Variants in CNKSR3 observed in about 807,000 individuals in gnomAD.
The protein encoded by CNKSR3 is connector enhancer of kinase suppressor of ras 3.
CNKSR3 carries 36 observed loss-of-function variants against 67.7 expected under a neutral mutation model. The observed-to-expected ratio is 0.53, with a 90% CI of 0.41 to 0.70. The LOEUF (loss-of-function observed/expected upper bound fraction) is 0.70. Among genes scored for constraint, CNKSR3 ranks in the 30% least tolerant of loss-of-function variants. The pLI is 0.00. For synonymous variants in CNKSR3, 281 were observed against 271.4 expected (o/e 1.04, Z -0.35); for missense variants, 630 against 695.2 (o/e 0.91, Z 1.05).
At chr6:154,473,698 G>GT (rs113254336) in intron 1 of CNKSR3, among the ~76,000 whole-genome samples, 1 of 152,146 alleles carries the variant, frequency 6.6e-6, no homozygotes, top group African/African-American at 2.4e-5. Context: ...GACATATAGG[G>GT]TCTGGAGTCA....
At chr6:154,410,461 A>G (rs754717721) in intron 11 of CNKSR3, 29 bp from the exon 12 acceptor site, 21 of 1,498,114 alleles carry the variant, frequency 1.4e-5, no homozygotes, top group Non-Finnish European at 1.9e-5. Flanking sequence ...GAAGGTGACA[A>G]GTTTGATGAG....
intron 1 of CNKSR3, among the ~76,000 whole-genome samples, chr6:154,496,254 G>A (rs1461694277): frequency 6.6e-6 from 1 of 152,082 alleles, no homozygotes; most frequent in East Asian, 1.9e-4. Flanking sequence ...AGCCAACCCC[G>A]ACAAAACTAA....
chr6:154,438,486 T>C (rs1785518166), intron 4 of CNKSR3, among the ~76,000 whole-genome samples: 1 of 152,184 alleles, frequency 6.6e-6, no homozygotes, highest in African/African-American at 2.4e-5. Flanking sequence ...CAACATTAAC[T>C]TGTAGAAATC....
chr6:154,454,660 T>C (rs932383398), intron 1 of CNKSR3, among the ~76,000 whole-genome samples: 1 of 152,080 alleles, frequency 6.6e-6, no homozygotes, highest in Non-Finnish European at 1.5e-5. Flanking sequence ...TAGCTGGGAC[T>C]ACAGGTGTGT....
intron 1 of CNKSR3, among the ~76,000 whole-genome samples, chr6:154,469,062 T>A (rs766855979): frequency 6.6e-6 from 1 of 152,224 alleles, no homozygotes; most frequent in Non-Finnish European, 1.5e-5. Context: ...AGTACTGTGT[T>A]TGACAGTTCT....
chr6:154,441,376 A>G lies in CNKSR3; in HGVS notation c.423T>C (p.Ala141=). 6.2e-7 allele frequency: 1 copy of G among 1,613,308 alleles called. No individual in the cohort carries two copies. The highest frequency in any genetic ancestry group is 8.5e-7 in the Non-Finnish European group (1 of 1,179,350). ...AKALLAWLDR[A]PFTGITDFSV... ...AGAAATCAGTGATCCCTGTAAACGG[A>G]GCCCTAGAAGGTAGCAACAATCCTC... The change falls in exon 4 of 13, where the codon GCT becomes GCC. Residue 141 remains alanine (A), a synonymous_variant. Transcript: ENST00000607772.
chr6:154,507,613 C>T (rs1201965253), intron 1 of CNKSR3, among the ~76,000 whole-genome samples: 1 of 152,292 alleles, frequency 6.6e-6, no homozygotes, highest in East Asian at 1.9e-4. Context: ...AGCCTCTTAT[C>T]ATCTTAGCCA....
chr6:154,492,210 C>T (rs969146671), intron 1 of CNKSR3, among the ~76,000 whole-genome samples: 2 of 152,208 alleles, frequency 1.3e-5, no homozygotes, highest in African/African-American at 4.8e-5. Flanking sequence ...CTCTCCTATT[C>T]CTCTTCCTAC....
At chr6:154,497,655 A>AT (rs1786905780) in intron 1 of CNKSR3, among the ~76,000 whole-genome samples, 1 of 152,244 alleles carries the variant, frequency 6.6e-6, no homozygotes, top group Non-Finnish European at 1.5e-5. Context: ...TATGTATGGT[A>AT]TGTTTATCTG....
At chr6:154,496,496 A>G (rs1298939358) in intron 1 of CNKSR3, among the ~76,000 whole-genome samples, 1 of 142,306 alleles carries the variant, frequency 7.0e-6, no homozygotes, top group East Asian at 2.1e-4. Context: ...ATAAGAGCAA[A>G]CAAGAGAATA....
At chr6:154,409,858 ACATATTGAGACTC>A (rs1784871264) in intron 12 of CNKSR3, among the ~76,000 whole-genome samples, 1 of 149,832 alleles carries the variant, frequency 6.7e-6, no homozygotes, top group African/African-American at 2.5e-5. Flanking sequence ...AGCCTGGACA[ACATATTGAGACTC>A]TGTCTCTACC....
intron 1 of CNKSR3, among the ~76,000 whole-genome samples, chr6:154,453,342 T>C (rs1785878213): frequency 6.6e-6 from 1 of 152,112 alleles, no homozygotes; most frequent in Admixed American, 6.5e-5. Context: ...AAGGCTGAGA[T>C]GGGAGGAATG....
chr6:154,406,860 A>G (rs1784804480), intron 12 of CNKSR3, among the ~76,000 whole-genome samples: 1 of 151,754 alleles, frequency 6.6e-6, no homozygotes, highest in African/African-American at 2.4e-5. Flanking sequence ...CCAGCTACTC[A>G]GAGAAACGTT....
intron 1 of CNKSR3, among the ~76,000 whole-genome samples, chr6:154,464,072 A>C (rs1786141128): frequency 6.6e-6 from 1 of 152,244 alleles, no homozygotes; most frequent in Admixed American, 6.5e-5. Context: ...ATACATGATA[A>C]GATCATACGA....
intron 1 of CNKSR3, among the ~76,000 whole-genome samples, chr6:154,454,122 G>C (rs375296327): frequency 0.67 from 93,039 of 138,274 alleles, 31,230 homozygotes; most frequent in East Asian, 0.87. Context: ...GAGAGAGAGA[G>C]AGAGAGAGAG....
At position 154,450,217 on chromosome 6, in the gene CNKSR3, G is replaced by C; in HGVS notation, c.94C>G (p.Arg32Gly). Residue 32 changes from arginine to glycine, a missense_variant, in exon 2 of 13, where the codon CGA becomes GGA. By Grantham distance (125) the Arg-to-Gly change is moderately radical. This residue lies in a region of CNKSR3 where 189 missense variants were observed against 205.0 expected (regional missense o/e 0.92). Coordinates refer to ENST00000607772, the MANE Select transcript of CNKSR3 (RefSeq NM_173515.4). ...AGCTGCTCGCCGTTGATCTTCTCTC[G>C]TTCAAACTTGTGGACATATTGTTGC... ...CLQQYVHKFE[R>G]EKINGEQLLQ... The C allele has an allele frequency of 6.2e-7, 1 of 1,614,098 alleles. No individual in the cohort carries two copies. The highest frequency in any genetic ancestry group is 2.2e-5 in the East Asian group (1 of 44,872).
chr6:154,433,663 G>C, intron 4 of CNKSR3, 156 bp from the exon 5 acceptor site: 1 of 617,726 alleles, frequency 1.6e-6, no homozygotes, highest in Non-Finnish European at 2.9e-6. Context: ...GGGAATGAGA[G>C]GGCAGAGTGG....
intron 1 of CNKSR3, among the ~76,000 whole-genome samples, chr6:154,477,278 GA>G (rs1207975026): frequency 0.011 from 1,599 of 146,710 alleles, 26 homozygotes; most frequent in African/African-American, 0.036. Context: ...TTTGCAGAGT[GA>G]AAAAAAAAAA....
Position 154,510,600 on chromosome 6 carries a change from C to T in CNKSR3, c.-486G>A, listed in dbSNP as rs572874040. The T allele has an allele frequency of 9.2e-4, 155 of 169,334 alleles. 1 individual carries two copies. In the South Asian group the frequency reaches 0.012, roughly 13 times the overall value. 10.5% of individuals were successfully genotyped at this position (169,334 alleles called of 1,614,324 possible). On this transcript the variant is annotated 5_prime_UTR_variant, in exon 1 of 13. Coordinates refer to ENST00000607772, the MANE Select transcript of CNKSR3 (RefSeq NM_173515.4). ...GGCGCAGGTCCCACCTCCTGCGCCGCCCTCCCGTGCCGCCCTGGCAGGGCC... is the reference window on the plus strand; with the variant it reads ...GGCGCAGGTCCCACCTCCTGCGCCGTCCTCCCGTGCCGCCCTGGCAGGGCC...
Sources: gnomAD v4.1 joint callset for allele counts (sites outside exome capture counted in the v4.1 genomes callset) on GRCh38, gnomAD v4.1.1 for gene constraint, gnomAD v4.1.1 regional missense constraint, MANE v1.5 for transcripts, NCBI Gene and HGNC (gene_info 2026-07-23, HGNC 2026-07-21) for gene names.